Variants in SLC12A7 observed in about 807,000 individuals in gnomAD.
SLC12A7 encodes the protein K-Cl cotransporter 4.
In SLC12A7, 100 loss-of-function variants were observed where a neutral mutation model predicts 120.6. The observed-to-expected ratio is 0.83, with a 90% CI of 0.71 to 0.98. SLC12A7 has a LOEUF of 0.98. Ranked by LOEUF, SLC12A7 falls within the 50% of genes least tolerant of loss-of-function variation. SLC12A7 has a pLI of 0.00. For missense variants in SLC12A7, 1,373 were observed against 1,548.1 expected (o/e 0.89, Z 1.90); for synonymous variants, 760 against 678.0 (o/e 1.12, Z -1.88).
intron 23 of SLC12A7, among the ~76,000 whole-genome samples, chr5:1,052,692 CAG>C (rs891155163): frequency 1.1e-4 from 16 of 152,168 alleles, no homozygotes; most frequent in Admixed American, 7.2e-4. Flanking sequence ...GGAGGACGAG[CAG>C]AGACAGCGAC....
chr5:1,076,644 G>C, intron 13 of SLC12A7, 50 bp downstream of exon 13: 1 of 1,394,838 alleles, frequency 7.2e-7, no homozygotes, highest in Non-Finnish European at 1.0e-6. Context: ...ACTGCCCCAC[G>C]CTCCAGGCCC....
the SLC12A7 span, among the ~76,000 whole-genome samples, chr5:1,122,730 G>C: frequency 6.6e-6 from 1 of 152,206 alleles, no homozygotes; most frequent in Non-Finnish European, 1.5e-5. Flanking sequence ...GCTCCTTGGT[G>C]CTGTAGCCCG....
At position 1,103,309 on chromosome 5, in the gene SLC12A7, C is replaced by T. The variant is rs557997853; in HGVS notation, c.124+8559G>A. Among the ~76,000 whole-genome samples, 3 of 152,312 alleles carry T rather than the reference C, an allele frequency of 2.0e-5. No individual in the cohort carries two copies. The South Asian group carries it at 6.2e-4, about 32-fold the overall frequency. On this transcript the variant is annotated intron_variant, in intron 1 of 23. Transcript: ENST00000264930. ...ACACCACCGCCAGTATCCTGTAAAC[C>T]AGGAGAGCGCCGGGAGATCCCAGCT...
the SLC12A7 span, among the ~76,000 whole-genome samples, chr5:1,140,923 G>C: frequency 6.6e-6 from 1 of 152,250 alleles, no homozygotes; most frequent in Non-Finnish European, 1.5e-5. Context: ...AGAGCCGTTG[G>C]GGGCTGCAGC....
At chr5:1,136,542 G>A in the SLC12A7 span, among the ~76,000 whole-genome samples, 58 of 113,102 alleles carry the variant, frequency 5.1e-4, 2 homozygotes, top group East Asian at 1.8e-3. Context: ...AGGCACACGT[G>A]TGCTCAGACA....
In SLC12A7 at chr5:1,065,171, TGAGAGGACAGC is replaced by T. The variant is rs1224765087; in HGVS notation, c.2437+101_2437+111del. On this transcript the variant is annotated intron_variant, in intron 18 of 23. Transcript: ENST00000264930. Reference sequence around the variant, plus strand: ...GACAGTGGGGACGAAAAGGGGACAGTGAGAGGACAGCGAGGGGACACTGAGGAGACACACAG... The same window carrying T: ...GACAGTGGGGACGAAAAGGGGACAGTGAGGGGACACTGAGGAGACACACAG... The T allele has an allele frequency of 6.9e-3, 3,419 of 497,796 alleles. 4 individuals are homozygous for T. The highest frequency in any genetic ancestry group is 9.1e-3 in the Non-Finnish European group (2,882 of 317,676). The allele number at this position is 497,796 out of a possible 1,614,324, so 30.8% of individuals were successfully genotyped here.
intron 22 of SLC12A7, among the ~76,000 whole-genome samples, chr5:1,055,051 T>G (rs954648418): frequency 6.6e-6 from 1 of 152,164 alleles, no homozygotes; most frequent in Non-Finnish European, 1.5e-5. Context: ...GACCTGGCCC[T>G]TGGCTACTGG....
At chr5:1,118,418 G>A in the SLC12A7 span, among the ~76,000 whole-genome samples, 1 of 152,246 alleles carries the variant, frequency 6.6e-6, no homozygotes, top group Non-Finnish European at 1.5e-5. Flanking sequence ...TGCAATCTGA[G>A]AACATCGTGG....
chr5:1,066,935 G>A (rs1737117825), intron 17 of SLC12A7, among the ~76,000 whole-genome samples: 1 of 151,912 alleles, frequency 6.6e-6, no homozygotes, highest in Non-Finnish European at 1.5e-5. Flanking sequence ...AGCAGCCCCG[G>A]GCCACTCAGG....
rs116755651 is a variant in SLC12A7 at position 1,068,147 on chromosome 5, T to C, written c.2242-2669A>G. On this transcript the variant is annotated intron_variant, in intron 17 of 23. Coordinates refer to ENST00000264930, the MANE Select transcript of SLC12A7 (RefSeq NM_006598.3). The stretch of plus-strand genomic sequence containing the variant: ...GAGAAATGTCCATGCTTTACAGCCT[T>C]GCCCAGACAGGCTGCCGTGGCTCAC... Among the ~76,000 whole-genome samples, 1,379 of 152,342 alleles carry C rather than the reference T, an allele frequency of 9.1e-3. 21 individuals are homozygous for C. Among genetic ancestry groups the C allele is most frequent in the African/African-American group, 0.031 (1,296 of 41,578 alleles).
the SLC12A7 span, among the ~76,000 whole-genome samples, chr5:1,133,508 A>G: frequency 6.6e-6 from 1 of 152,122 alleles, no homozygotes; most frequent in East Asian, 1.9e-4. Context: ...ACAGGACTTA[A>G]GGCAAGAGAT....
At chr5:1,127,014 G>A in the SLC12A7 span, among the ~76,000 whole-genome samples, 559 of 152,194 alleles carry the variant, frequency 3.7e-3, 3 homozygotes, top group African/African-American at 0.013. Flanking sequence ...TCAATCCAAT[G>A]ACTGATGTCT....
chr5:1,080,229 C>T (rs1299928141), intron 9 of SLC12A7, among the ~76,000 whole-genome samples: 3 of 8,504 alleles, frequency 3.5e-4, no homozygotes, highest in Non-Finnish European at 3.6e-3. Context: ...CCACCCGCGG[C>T]GCGGAGACAC....
chr5:1,153,446 G>T, the SLC12A7 span, among the ~76,000 whole-genome samples: 20 of 152,348 alleles, frequency 1.3e-4, no homozygotes, highest in African/African-American at 4.6e-4. Context: ...GGGCCTCTGG[G>T]GGGGTCCATG....
intron 1 of SLC12A7, among the ~76,000 whole-genome samples, chr5:1,102,480 G>A (rs951698251): frequency 6.6e-6 from 1 of 152,180 alleles, no homozygotes; most frequent in East Asian, 1.9e-4. Flanking sequence ...CTCTAGGAAC[G>A]TCCTCTTAGA....
chr5:1,147,640 T>G, the SLC12A7 span, among the ~76,000 whole-genome samples: 1 of 152,138 alleles, frequency 6.6e-6, no homozygotes, highest in Admixed American at 6.5e-5. Context: ...AACATTTAAA[T>G]CTCTCTGCTC....
chr5:1,148,688 T>C, the SLC12A7 span, among the ~76,000 whole-genome samples: 7 of 152,132 alleles, frequency 4.6e-5, no homozygotes, highest in Admixed American at 4.6e-4. Context: ...TTTTGTAAAG[T>C]GGGTACAGGG....
Position 1,094,180 on chromosome 5 carries a change from C to CAAG in SLC12A7, c.192_193insCTT (p.Phe64_Glu65insLeu). 1 of 1,613,550 alleles carries CAAG rather than the reference C, an allele frequency of 6.2e-7. No individual in the cohort carries two copies. The highest frequency in any genetic ancestry group is 2.2e-5 in the East Asian group (1 of 44,884). On this transcript the variant is annotated inframe_insertion, in exon 2 of 24. Coordinates refer to ENST00000264930, the MANE Select transcript of SLC12A7 (RefSeq NM_006598.3). ...TCGAAAAGTGCCATGTTCTTCCCTT[C>CAAG]AAAGAAGCTCTCTTGTTCCACCTCG...
the SLC12A7 span, among the ~76,000 whole-genome samples, chr5:1,130,363 C>A: frequency 1.3e-5 from 2 of 152,200 alleles, no homozygotes; most frequent in Non-Finnish European, 2.9e-5. Flanking sequence ...CCAGGGTGCA[C>A]CTGCATCTGC....
Sources: allele counts gnomAD v4.1 joint callset (sites outside exome capture counted in the v4.1 genomes callset), GRCh38; gene constraint gnomAD v4.1.1; transcripts MANE v1.5; gene names NCBI Gene and HGNC (gene_info 2026-07-23, HGNC 2026-07-21).